Variants in MARK4 observed in about 807,000 individuals in gnomAD.
MARK4 encodes the protein MAP/microtubule affinity-regulating kinase 4.
Under a neutral mutation model 81.5 loss-of-function variants are expected in MARK4, and 19 were observed. The ratio of observed to expected loss-of-function variants is 0.23; its 90% CI spans 0.16 to 0.34. The LOEUF (loss-of-function observed/expected upper bound fraction) is 0.34, where lower values mean the gene tolerates loss of function less well. Ranked by LOEUF, MARK4 falls within the 10% of genes least tolerant of loss-of-function variation. The probability of loss-of-function intolerance (pLI) is 1.00; values close to 1 mark genes in which losing one functional copy is unlikely to be tolerated. For synonymous variants in MARK4, 436 were observed against 439.0 expected (o/e 0.99, Z 0.08); for missense variants, 772 against 1,058.8 (o/e 0.73, Z 3.76).
At position 45,259,159 on chromosome 19, in the gene MARK4, G is replaced by C; in HGVS notation, c.222G>C (p.Lys74Asn). Residue 74 changes from lysine (K) to asparagine (N), a missense_variant, in exon 2 of 17, where the codon AAG (lysine) becomes AAC (asparagine). Around this residue, in one of 3 missense-constraint regions of MARK4, gnomAD observed 115 missense variants for 139.8 expected, o/e 0.82. Transcript: ENST00000262891. ...TIGKGNFAKV[K>N]LARHILTGRE... ...GGAAGGGCAACTTTGCCAAAGTCAA[G>C]CTGGCTCGGCACATCCTCACTGGTC... 6.2e-7 allele frequency: 1 copy of C among 1,614,194 alleles called. No individual in the cohort carries two copies. Among genetic ancestry groups the C allele is most frequent in the Non-Finnish European group, 8.5e-7 (1 of 1,180,040 alleles).
chr19:45,288,514 C>G (rs1434674368), intron 13 of MARK4: 2 of 141,722 alleles, frequency 1.4e-5, no homozygotes, highest in Non-Finnish European at 3.0e-5. Context: ...GATTGCGCTA[C>G]TGCACTCCAG....
At chr19:45,284,286 G>A (rs1357616655) in intron 12 of MARK4, among the ~76,000 whole-genome samples, 2 of 151,554 alleles carry the variant, frequency 1.3e-5, no homozygotes, top group Admixed American at 6.6e-5. Context: ...GGGATTGCAG[G>A]CGTGAGCCAC....
intron 7 of MARK4, among the ~76,000 whole-genome samples, chr19:45,270,442 G>C (rs576352068): frequency 1.2e-4 from 19 of 152,180 alleles, no homozygotes; most frequent in Middle Eastern, 3.4e-3. Context: ...TATTGCTTTC[G>C]TTTTCCTGGG....
At chr19:45,273,940 T>G (rs973321145) in intron 8 of MARK4, among the ~76,000 whole-genome samples, 71 of 152,334 alleles carry the variant, frequency 4.7e-4, no homozygotes, top group African/African-American at 1.3e-3. Flanking sequence ...TGCTGTTCAA[T>G]GAAGATCATA....
chr19:45,270,631 A>G (rs1237800792), intron 7 of MARK4, among the ~76,000 whole-genome samples: 1 of 151,924 alleles, frequency 6.6e-6, no homozygotes, highest in African/African-American at 2.4e-5. Flanking sequence ...ACAAGTTCTC[A>G]CTCTGTTGCT....
chr19:45,264,572 A>G, intron 4 of MARK4, 112 bp from the exon 5 acceptor site: 1 of 940,486 alleles, frequency 1.1e-6, no homozygotes, highest in Non-Finnish European at 1.7e-6. Flanking sequence ...GGAGCCATTG[A>G]GTGTTGAGTT....
chr19:45,287,661 C>T lies in MARK4; in HGVS notation c.1491C>T (p.Thr497=). The change falls in exon 13 of 17, where the codon ACC becomes ACT. Residue 497 remains threonine (T), a synonymous_variant. Coordinates refer to ENST00000262891, the MANE Select transcript of MARK4 (RefSeq NM_001199867.2). ...AGCGGCGGAAGGACAGCACGAGCAC[C>T]CCCGTGAGTGACCAGGGCTGGGGGG... ...IPERRKDSTS[T]PNNLPPSMMT... 1.2e-6 allele frequency: 2 copies of T among 1,603,676 alleles called. No individual in the cohort carries two copies.
chr19:45,299,909 C>T (rs1970945586), intron 16 of MARK4, 54 bp downstream of exon 16: 1 of 1,542,370 alleles, frequency 6.5e-7, no homozygotes, highest in Non-Finnish European at 8.8e-7. Context: ...GCCTCAGCAC[C>T]TCCCGACACT....
At chr19:45,281,722 T>C (rs2123073980) in intron 12 of MARK4, among the ~76,000 whole-genome samples, 1 of 152,194 alleles carries the variant, frequency 6.6e-6, no homozygotes, top group African/African-American at 2.4e-5. Flanking sequence ...AGGATGAAGC[T>C]CTGATATCAG....
chr19:45,298,232 G>A (rs758321955), intron 15 of MARK4: 8 of 1,613,812 alleles, frequency 5.0e-6, no homozygotes, highest in East Asian at 2.2e-5. Context: ...AGTAAGTCCC[G>A]TCCATGCCCT....
Position 45,297,703 on chromosome 19 carries a change from C to A in MARK4, c.1626C>A (p.Ala542=). 1 of 1,539,784 alleles carries A rather than the reference C, an allele frequency of 6.5e-7. No homozygotes were observed. Among genetic ancestry groups the A allele is most frequent in the Non-Finnish European group, 8.7e-7 (1 of 1,150,642 alleles). The change falls in exon 15 of 17, where the codon GCC becomes GCA. Residue 542 remains alanine, a synonymous_variant. Coordinates refer to ENST00000262891, the MANE Select transcript of MARK4 (RefSeq NM_001199867.2). The part of the protein sequence containing the change: ...NSSGTPRVPP[A]SPSSHSLAPP... Reference sequence around the variant, plus strand: ...CAGGCACCCCACGGGTGCCCCCTGCCTCCCCCTCCAGTCACAGCCTGGCAC... The same window carrying A: ...CAGGCACCCCACGGGTGCCCCCTGCATCCCCCTCCAGTCACAGCCTGGCAC...
At chr19:45,287,737 T>A in intron 13 of MARK4, 73 bp downstream of exon 13, 3 of 1,507,132 alleles carry the variant, frequency 2.0e-6, no homozygotes, top group Non-Finnish European at 2.7e-6. Flanking sequence ...TGCCTTCATC[T>A]CATTCCCCAG....
chr19:45,301,110 CAT>C (rs1297862476), intron 16 of MARK4, among the ~76,000 whole-genome samples: 3 of 152,150 alleles, frequency 2.0e-5, no homozygotes, highest in South Asian at 2.1e-4. Flanking sequence ...CATCCTAAGA[CAT>C]GTGACAATCA....
chr19:45,251,979 G>C (rs1599773763), intron 1 of MARK4, among the ~76,000 whole-genome samples: 1 of 151,392 alleles, frequency 6.6e-6, no homozygotes, highest in South Asian at 2.1e-4. Flanking sequence ...CAGGCCGTCC[G>C]CGTCCGACAC....
chr19:45,258,703 GAAAA>G (rs932819361), intron 1 of MARK4, among the ~76,000 whole-genome samples: 83 of 144,696 alleles, frequency 5.7e-4, no homozygotes, highest in African/African-American at 2.1e-3. Context: ...CCATCCGAAG[GAAAA>G]AAAAAAAGAC....
chr19:45,280,078 G>A, intron 10 of MARK4: 1 of 354,258 alleles, frequency 2.8e-6, no homozygotes, highest in South Asian at 2.8e-5. Context: ...GCCAGGTGCA[G>A]TGGCTTATGC....
At chr19:45,292,887 G>C (rs1970837121) in intron 13 of MARK4, among the ~76,000 whole-genome samples, 1 of 151,930 alleles carries the variant, frequency 6.6e-6, no homozygotes, top group Admixed American at 6.6e-5. Context: ...AAGTAGAAGG[G>C]AGGAGGCATT....
In MARK4 at chr19:45,302,779, G is replaced by A. The variant is rs1970995581; in HGVS notation, c.*69G>A. 5 of 1,513,520 alleles carry A rather than the reference G, an allele frequency of 3.3e-6. No individual in the cohort carries two copies. In the South Asian group the frequency reaches 4.9e-5, roughly 15 times the overall value. 93.8% of individuals were successfully genotyped at this position (1,513,520 alleles called of 1,614,324 possible). On this transcript the variant is annotated 3_prime_UTR_variant, in exon 17 of 17. Transcript: ENST00000262891. The surrounding 1 kb of genome is among the most constrained non-coding windows in gnomAD (Gnocchi z 4.9). ...CCTTCACTTCTACAGGAGGGGAAGGGGCCAGGGAGGGGATTCTCCCTTTAT... is the reference window on the plus strand; with the variant it reads ...CCTTCACTTCTACAGGAGGGGAAGGAGCCAGGGAGGGGATTCTCCCTTTAT...
At chr19:45,286,856 A>C (rs344814) in intron 12 of MARK4, among the ~76,000 whole-genome samples, 304 of 152,308 alleles carry the variant, frequency 2.0e-3, no homozygotes, top group African/African-American at 6.5e-3. Context: ...TTTGTAGACA[A>C]ATGATAACAC....
Sources: gnomAD v4.1 joint callset for allele counts (sites outside exome capture counted in the v4.1 genomes callset) on GRCh38, gnomAD v4.1.1 for gene constraint, gnomAD v4.1.1 regional missense constraint, Gnocchi (gnomAD v3.1) non-coding constraint, MANE v1.5 for transcripts, NCBI Gene and HGNC (gene_info 2026-07-23, HGNC 2026-07-21) for gene names.